The following AGAP1 variants were observed in gnomAD, a reference collection of about 807,000 sequenced individuals.
The protein encoded by AGAP1 is arf-GAP with GTPase, ANK repeat and PH domain-containing protein 1.
AGAP1 carries 29 observed loss-of-function variants against 105.3 expected under a neutral mutation model. The ratio of observed to expected loss-of-function variants is 0.28; its 90% CI spans 0.21 to 0.38. The LOEUF (loss-of-function observed/expected upper bound fraction) is 0.38, where lower values mean the gene tolerates loss of function less well. AGAP1 is among the 10% of genes least tolerant of loss of function. The pLI is 1.00. For synonymous variants in AGAP1, 509 were observed against 485.9 expected (o/e 1.05, Z -0.63); for missense variants, 998 against 1,165.1 (o/e 0.86, Z 2.09).
chr2:236,072,904 T>C (rs193134480), intron 16 of AGAP1, among the ~76,000 whole-genome samples: 125 of 152,300 alleles, frequency 8.2e-4, no homozygotes, highest in African/African-American at 2.9e-3. Flanking sequence ...AAGAACCTGA[T>C]GGAAGTAATT....
At chr2:236,085,001 T>C (rs987643076) in intron 16 of AGAP1, among the ~76,000 whole-genome samples, 1 of 151,626 alleles carries the variant, frequency 6.6e-6, no homozygotes, top group Non-Finnish European at 1.5e-5. Flanking sequence ...GATCACAAGC[T>C]CAGGAGTTCA....
At chr2:235,677,069 A>T (rs1948780171) in intron 1 of AGAP1, among the ~76,000 whole-genome samples, 1 of 152,194 alleles carries the variant, frequency 6.6e-6, no homozygotes, top group South Asian at 2.1e-4. Flanking sequence ...ATAGCCCTAG[A>T]ACTGTGTTTC....
Position 235,882,532 on chromosome 2 carries a change from A to T in AGAP1, c.1051-813A>T. 8.9e-7 allele frequency: 1 copy of T among 1,129,210 alleles called. No homozygotes were observed. The highest frequency in any genetic ancestry group is 1.3e-6 in the Non-Finnish European group (1 of 771,812). 69.9% of individuals were successfully genotyped at this position (1,129,210 alleles called of 1,614,324 possible). ...TCGGTACCATCCGTGGCGGGCTCTT[A>T]GCTCACTGCAACACTCTGCCTCCTG... On this transcript the variant is annotated intron_variant, in intron 9 of 17. Transcript: ENST00000304032. This position sits in a 1 kb window ranked among gnomAD's most constrained non-coding sequence, Gnocchi z 4.6.
intron 1 of AGAP1, among the ~76,000 whole-genome samples, chr2:235,532,770 C>T (rs1188575810): frequency 6.6e-6 from 1 of 152,226 alleles, no homozygotes; most frequent in African/African-American, 2.4e-5. Context: ...CCTGCCTCAG[C>T]TTACCCTTTG....
intron 16 of AGAP1, among the ~76,000 whole-genome samples, chr2:236,065,753 C>T (rs969649183): frequency 5.3e-5 from 8 of 152,220 alleles, no homozygotes; most frequent in Non-Finnish European, 8.8e-5. Flanking sequence ...GGTTGTGGAG[C>T]TCTGTGGCAC....
At chr2:235,604,871 C>T (rs558593867) in intron 1 of AGAP1, among the ~76,000 whole-genome samples, 14 of 150,412 alleles carry the variant, frequency 9.3e-5, no homozygotes, top group South Asian at 2.1e-4. Context: ...CGTGAGCCAT[C>T]GCGCCCAGCC....
chr2:236,106,811 G>C (rs2059508372), intron 16 of AGAP1, among the ~76,000 whole-genome samples: 1 of 152,154 alleles, frequency 6.6e-6, no homozygotes. Flanking sequence ...TTCCTGATGG[G>C]GACCCAGGAG....
At position 235,887,392 on chromosome 2, in the gene AGAP1, T is replaced by A. The variant is rs2124872094; in HGVS notation, c.1155+3943T>A. On this transcript the variant is annotated intron_variant, in intron 10 of 17. Transcript: ENST00000304032. The surrounding 1 kb of genome is among the most constrained non-coding windows in gnomAD (Gnocchi z 4.1). The stretch of plus-strand genomic sequence containing the variant: ...TATTGTCTGAACATGGGAACCTGCC[T>A]CCTTTTCTCTCCTCTGGGATTCAGG... Among the ~76,000 whole-genome samples, 1 of 152,316 alleles carries A rather than the reference T, an allele frequency of 6.6e-6. No homozygotes were observed. The highest frequency in any genetic ancestry group is 1.5e-5 in the Non-Finnish European group (1 of 68,024).
chr2:235,537,928 T>C (rs542272294), intron 1 of AGAP1, among the ~76,000 whole-genome samples: 2 of 152,352 alleles, frequency 1.3e-5, no homozygotes, highest in African/African-American at 4.8e-5. Context: ...TTCCCCTGAA[T>C]AGCAGGCTTG....
At chr2:235,502,908 A>G (rs1941626998) in intron 1 of AGAP1, among the ~76,000 whole-genome samples, 1 of 151,356 alleles carries the variant, frequency 6.6e-6, no homozygotes. Context: ...TAATAGTCTG[A>G]AAGGCAGAAC....
chr2:235,501,349 A>G (rs189687784), intron 1 of AGAP1, among the ~76,000 whole-genome samples: 15 of 152,248 alleles, frequency 9.9e-5, no homozygotes, highest in Non-Finnish European at 1.8e-4. Context: ...ATGTAGTCTT[A>G]TGTATATTTA....
Position 235,927,868 on chromosome 2 carries a change from T to A in AGAP1, c.1325-2897T>A, listed in dbSNP as rs1214643525. On this transcript the variant is annotated intron_variant, in intron 11 of 17. Coordinates refer to ENST00000304032, the MANE Select transcript of AGAP1 (RefSeq NM_001037131.3). This position sits in a 1 kb window ranked among gnomAD's most constrained non-coding sequence, Gnocchi z 4.4. ...GAGGGACAGACAGACACAGTGAAAT[T>A]CCTTTTTGTTTTTCAGGTATTTGGA... 6.6e-6 allele frequency among the ~76,000 whole-genome samples: 1 copy of A among 152,194 alleles called. No homozygotes were observed. Among genetic ancestry groups the A allele is most frequent in the Admixed American group, 6.5e-5 (1 of 15,280 alleles).
rs894344280 is a variant in AGAP1, at chr2:235,556,969, G to A, written c.163+62120G>A. 2.6e-5 allele frequency among the ~76,000 whole-genome samples: 4 copies of A among 152,282 alleles called. No individual in the cohort carries two copies. Among genetic ancestry groups the A allele is most frequent in the African/African-American group, 7.2e-5 (3 of 41,560 alleles). On this transcript the variant is annotated intron_variant, in intron 1 of 17. Coordinates refer to ENST00000304032, the MANE Select transcript of AGAP1 (RefSeq NM_001037131.3). The surrounding 1 kb of genome is among the most constrained non-coding windows in gnomAD (Gnocchi z 5.3). ...TTTGATCATTTTCTGAGGATATAGCGTTTAGTGCACACCTCTTTTGTGCAA... is the reference window on the plus strand; with the variant it reads ...TTTGATCATTTTCTGAGGATATAGCATTTAGTGCACACCTCTTTTGTGCAA...
In AGAP1 at chr2:236,000,791, A is replaced by T. The variant is rs1186077250; in HGVS notation, c.1645+32168A>T. Among the ~76,000 whole-genome samples, 1 of 152,044 alleles carries T rather than the reference A, an allele frequency of 6.6e-6. No individual in the cohort carries two copies. Among genetic ancestry groups the T allele is most frequent in the Middle Eastern group, 3.2e-3 (1 of 316 alleles). ...AGGGCCACTAAGGGGGGCGGAGAAG[A>T]CCCCTGACAGCAAGAAGGAGCCCCA... On this transcript the variant is annotated intron_variant, in intron 13 of 17. Coordinates refer to ENST00000304032, the MANE Select transcript of AGAP1 (RefSeq NM_001037131.3). This position sits in a 1 kb window ranked among gnomAD's most constrained non-coding sequence, Gnocchi z 4.3.
Position 235,968,641 on chromosome 2 carries a change from C to A in AGAP1, c.1645+18C>A, listed in dbSNP as rs760102773. 1.3e-6 allele frequency: 2 copies of A among 1,593,148 alleles called. No individual in the cohort carries two copies. Among genetic ancestry groups the A allele is most frequent in the African/African-American group, 1.4e-5 (1 of 72,600 alleles). The stretch of plus-strand genomic sequence containing the variant: ...TGCTGAAGGTAAGGGTTCCGCGGTG[C>A]CCCGGGAGAGAGTCTCCACTGCGGA... On this transcript the variant is annotated intron_variant, in intron 13 of 17. Coordinates refer to ENST00000304032, the MANE Select transcript of AGAP1 (RefSeq NM_001037131.3).
intron 1 of AGAP1, among the ~76,000 whole-genome samples, chr2:235,617,855 T>C (rs1946357550): frequency 6.6e-6 from 1 of 152,234 alleles, no homozygotes; most frequent in Non-Finnish European, 1.5e-5. Flanking sequence ...AGTAAGTGGA[T>C]GCAGTGCATA....
chr2:236,122,385 G>A (rs775885232), intron 17 of AGAP1, among the ~76,000 whole-genome samples: 1 of 152,142 alleles, frequency 6.6e-6, no homozygotes, highest in African/African-American at 2.4e-5. Flanking sequence ...TGAATTGTTG[G>A]TGGGAGCGGG....
At chr2:235,746,687 C>T (rs1013781956) in intron 5 of AGAP1, among the ~76,000 whole-genome samples, 4 of 151,960 alleles carry the variant, frequency 2.6e-5, no homozygotes, top group Admixed American at 6.6e-5. Flanking sequence ...AGAGAAATTC[C>T]GAATAAGCTC....
At chr2:235,871,974 T>C (rs760263817) in intron 9 of AGAP1, among the ~76,000 whole-genome samples, 1 of 152,232 alleles carries the variant, frequency 6.6e-6, no homozygotes, top group African/African-American at 2.4e-5. Flanking sequence ...GCTGTGCATG[T>C]TGGGCAAGTT....
Sources: allele counts gnomAD v4.1 joint callset (sites outside exome capture counted in the v4.1 genomes callset), GRCh38; gene constraint gnomAD v4.1.1; non-coding constraint Gnocchi (gnomAD v3.1); transcripts MANE v1.5; gene names NCBI Gene and HGNC (gene_info 2026-07-23, HGNC 2026-07-21).